PIKFYVE: variants seen among roughly 807,000 people sequenced by gnomAD.
PIKFYVE encodes the protein 1-phosphatidylinositol 3-phosphate 5-kinase.
A neutral mutation model predicts 257.9 loss-of-function variants in PIKFYVE; 122 were observed. The ratio of observed to expected loss-of-function variants is 0.47; its 90% CI spans 0.41 to 0.55. The LOEUF is 0.55. PIKFYVE is among the 20% of genes least tolerant of loss of function. The pLI is 0.00. For synonymous variants in PIKFYVE, 892 were observed against 868.9 expected (o/e 1.03, Z -0.47); for missense variants, 2,160 against 2,536.6 (o/e 0.85, Z 3.19).
intron 1 of PIKFYVE, among the ~76,000 whole-genome samples, chr2:208,268,794 C>A (rs1204085201): frequency 1.3e-5 from 2 of 148,578 alleles, no homozygotes; most frequent in African/African-American, 2.5e-5. Flanking sequence ...TCTTTTTCTT[C>A]CCCCCCCAAT....
chr2:208,338,411 T>A (rs1402912888), intron 28 of PIKFYVE, 97 bp from the exon 29 acceptor site: 1 of 1,059,280 alleles, frequency 9.4e-7, no homozygotes, highest in Admixed American at 1.8e-5. Context: ...TATAAATGGG[T>A]CCTGAGACCA....
intron 23 of PIKFYVE, among the ~76,000 whole-genome samples, chr2:208,331,187 CTA>C (rs1697500942): frequency 6.6e-6 from 1 of 152,064 alleles, no homozygotes; most frequent in South Asian, 2.1e-4. Context: ...AAATTGATCT[CTA>C]TTGGTTTTTA....
chr2:208,305,165 C>A lies in PIKFYVE; in HGVS notation c.1636+152C>A, dbSNP rs1258933277. 7 of 1,534,486 alleles carry A rather than the reference C, an allele frequency of 4.6e-6. No homozygotes were observed. The African/African-American group carries it at 5.5e-5, about 12-fold the overall frequency. ...TCTACCCTTTCTCATTTCTCCCACA[C>A]CTCCTCCCCATACCTTTTTTGGTTG... On this transcript the variant is annotated intron_variant, in intron 12 of 41. Coordinates refer to ENST00000264380, the MANE Select transcript of PIKFYVE (RefSeq NM_015040.4).
At chr2:208,275,288 G>A (rs1376915480) in intron 3 of PIKFYVE, among the ~76,000 whole-genome samples, 2 of 152,338 alleles carry the variant, frequency 1.3e-5, no homozygotes, top group East Asian at 3.9e-4. Flanking sequence ...GCCAACATCT[G>A]TGATTCTCTT....
chr2:208,281,435 C>G (rs918652919), intron 5 of PIKFYVE, among the ~76,000 whole-genome samples: 4 of 152,180 alleles, frequency 2.6e-5, no homozygotes, highest in Admixed American at 2.6e-4. Context: ...ATTATCCATT[C>G]CCACATGTAT....
chr2:208,301,106 T>C lies in PIKFYVE; in HGVS notation c.1208+12T>C. On this transcript the variant is annotated intron_variant, in intron 9 of 41. Transcript: ENST00000264380. ...CATATTGCCACAAGGTATTCTGATC[T>C]TAGAAGGTTTCAATATTATTTGTTT... 1.9e-5 allele frequency: 30 copies of C among 1,613,220 alleles called. No individual in the cohort carries two copies. The highest frequency in any genetic ancestry group is 2.5e-5 in the Non-Finnish European group (30 of 1,179,146).
intron 5 of PIKFYVE, 69 bp from the exon 6 acceptor site, chr2:208,285,657 G>A (rs925063846): frequency 2.8e-5 from 39 of 1,369,178 alleles, no homozygotes; most frequent in Middle Eastern, 1.9e-4. Flanking sequence ...AAAAAGTTAC[G>A]TTAAGCAATA....
chr2:208,336,973 T>C (rs1334678052), intron 28 of PIKFYVE, 45 bp downstream of exon 28: 2 of 1,406,690 alleles, frequency 1.4e-6, no homozygotes, highest in Non-Finnish European at 2.0e-6. Flanking sequence ...AATAGAAATA[T>C]AGTTAGTTTC....
intron 7 of PIKFYVE, among the ~76,000 whole-genome samples, chr2:208,291,312 A>G (rs1347767062): frequency 6.6e-6 from 1 of 152,100 alleles, no homozygotes; most frequent in Non-Finnish European, 1.5e-5. Flanking sequence ...TGATTTTTGA[A>G]TGTTGAACCA....
At chr2:208,314,537 A>G (rs1485169232) in intron 14 of PIKFYVE, 114 bp downstream of exon 14, 2 of 1,239,466 alleles carry the variant, frequency 1.6e-6, no homozygotes, top group Non-Finnish European at 2.3e-6. Context: ...TTCCTTAGAA[A>G]GTAAAAAAAT....
chr2:208,350,515 C>T (rs1559176011), intron 36 of PIKFYVE, among the ~76,000 whole-genome samples: 2 of 151,546 alleles, frequency 1.3e-5, no homozygotes. Context: ...AGAACTGAGT[C>T]TTTTTTTTAT....
chr2:208,306,296 G>C (rs544753344), intron 12 of PIKFYVE, among the ~76,000 whole-genome samples: 4 of 152,288 alleles, frequency 2.6e-5, no homozygotes, highest in Admixed American at 2.6e-4. Flanking sequence ...GAGTATGAAA[G>C]GAGGGAAAAG....
At chr2:208,312,156 C>G in intron 12 of PIKFYVE, 80 bp from the exon 13 acceptor site, 1 of 1,037,596 alleles carries the variant, frequency 9.6e-7, no homozygotes, top group Non-Finnish European at 1.5e-6. Flanking sequence ...TGGGCGTATT[C>G]TCTATATAAT....
At chr2:208,351,010 G>A in intron 37 of PIKFYVE, 63 bp downstream of exon 37, 1 of 1,589,520 alleles carries the variant, frequency 6.3e-7, no homozygotes, top group Non-Finnish European at 8.6e-7. Context: ...CTCAGAAAAT[G>A]CAGCAGGAAG....
Position 208,324,939 on chromosome 2 carries a change from C to G in PIKFYVE, c.2360C>G (p.Thr787Ser). ...GTTTTGGAACGAATCAGTCGAATGA[C>G]CCAAGGTGATTTAGTGATGTCAATG... The part of the protein sequence containing the change: ...SQVLERISRM[T>S]QGDLVMSMDQ... Residue 787 changes from threonine to serine, a missense_variant, in exon 19 of 42, where the codon ACC becomes AGC. Around this residue, in one of 12 missense-constraint regions of PIKFYVE, gnomAD observed 346 missense variants for 365.6 expected, o/e 0.95. Coordinates refer to ENST00000264380, the MANE Select transcript of PIKFYVE (RefSeq NM_015040.4). 6.2e-7 allele frequency: 1 copy of G among 1,613,972 alleles called. No individual in the cohort carries two copies. The highest frequency in any genetic ancestry group is 8.5e-7 in the Non-Finnish European group (1 of 1,179,928).
intron 5 of PIKFYVE, among the ~76,000 whole-genome samples, chr2:208,284,284 C>T (rs1349140409): frequency 7.0e-6 from 1 of 143,548 alleles, no homozygotes; most frequent in East Asian, 2.0e-4. Context: ...TTTTCCCAGA[C>T]AGTTTCGCTT....
At chr2:208,333,272 T>A (rs965496329) in intron 23 of PIKFYVE, 43 bp from the exon 24 acceptor site, 2 of 1,573,048 alleles carry the variant, frequency 1.3e-6, no homozygotes, top group Non-Finnish European at 1.7e-6. Flanking sequence ...GAAAAAGAGA[T>A]TCTCAATATG....
chr2:208,305,450 G>A, intron 12 of PIKFYVE: 1 of 980,936 alleles, frequency 1.0e-6, no homozygotes, highest in Non-Finnish European at 1.2e-6. Flanking sequence ...CTAGATTGGG[G>A]GAAAATCATT....
chr2:208,318,402 A>G (rs1477962635), intron 16 of PIKFYVE, among the ~76,000 whole-genome samples: 1 of 152,156 alleles, frequency 6.6e-6, no homozygotes, highest in Non-Finnish European at 1.5e-5. Flanking sequence ...GGAGTGAGAT[A>G]ACCTGGGGTA....
Sources: gnomAD v4.1 joint callset for allele counts (sites outside exome capture counted in the v4.1 genomes callset) on GRCh38, gnomAD v4.1.1 for gene constraint, gnomAD v4.1.1 regional missense constraint, MANE v1.5 for transcripts, NCBI Gene and HGNC (gene_info 2026-07-23, HGNC 2026-07-21) for gene names.